The following PGS1 variants were observed in gnomAD, a reference collection of about 807,000 sequenced individuals.
PGS1 encodes the protein CDP-diacylglycerol--glycerol-3-phosphate 3-phosphatidyltransferase, mitochondrial.
PGS1 carries 44 observed loss-of-function variants against 58.3 expected under a neutral mutation model. The ratio of observed to expected loss-of-function variants is 0.75; its 90% CI spans 0.59 to 0.97. The LOEUF is 0.97. Ranked by LOEUF, PGS1 falls within the 50% of genes least tolerant of loss-of-function variation. The pLI, the probability that PGS1 is intolerant of heterozygous loss-of-function variation, is 0.00. For synonymous variants in PGS1, 330 were observed against 311.0 expected (o/e 1.06, Z -0.64); for missense variants, 684 against 731.1 (o/e 0.94, Z 0.74).
chr17:78,417,740 G>A (rs2085319079), intron 8 of PGS1, among the ~76,000 whole-genome samples: 1 of 151,460 alleles, frequency 6.6e-6, no homozygotes, highest in Non-Finnish European at 1.5e-5. Flanking sequence ...TGTAGGTATG[G>A]CCCGGACATT....
chr17:78,393,908 G>C, intron 2 of PGS1, among the ~76,000 whole-genome samples: 1 of 52 alleles, frequency 0.019, no homozygotes, highest in African/African-American at 0.045. Context: ...TAGGCCAGGC[G>C]TGGTGGGGCC....
rs748343313 is a variant in PGS1, at chr17:78,378,741, G to A, written c.76G>A (p.Gly26Arg). The A allele has an allele frequency of 2.7e-6, 4 of 1,508,294 alleles. No homozygotes were observed. The highest frequency in any genetic ancestry group is 3.5e-6 in the Non-Finnish European group (4 of 1,135,006). The allele number at this position is 1,508,294 out of a possible 1,614,324, so 93.4% of individuals were successfully genotyped here. A position where few individuals can be genotyped will look rare whatever the true frequency, so the allele number is the denominator to read the frequency against. ...GCTGGGCCTCCTGCCTGGCCGCCCA[G>A]GGCTGGCCGCGCTCCTGGGACGCCT... The part of the protein sequence containing the change: ...RLLGLLPGRP[G>R]LAALLGRLSD... Residue 26 changes from glycine (G) to arginine (R), a missense_variant, in exon 1 of 10, where the codon GGG becomes AGG. Physicochemically the swap from Gly to Arg is moderately radical, Grantham distance 125. Transcript: ENST00000262764.
chr17:78,394,132 A>G (rs966568200), intron 2 of PGS1, among the ~76,000 whole-genome samples: 5 of 126,756 alleles, frequency 3.9e-5, no homozygotes, highest in African/African-American at 1.5e-4. Flanking sequence ...AGATCGCGCC[A>G]TTGCACTCCA....
rs959848861 is a variant in PGS1, at chr17:78,390,324, G to A, written c.144-2152G>A. 7.1e-5 allele frequency among the ~76,000 whole-genome samples: 7 copies of A among 98,324 alleles called. No individual in the cohort carries two copies. The South Asian group carries it at 1.3e-3, about 18-fold the overall frequency. 64.5% of individuals were successfully genotyped at this position (98,324 alleles called of 152,430 possible). On this transcript the variant is annotated intron_variant, in intron 1 of 9. Coordinates refer to ENST00000262764, the MANE Select transcript of PGS1 (RefSeq NM_024419.5). ...GTCATCACCCCCTCTAGAGACGGGG[G>A]TGGGGGAGGAACAGCTGTTTCCCAC...
At chr17:78,407,238 T>C (rs909865153) in intron 7 of PGS1, among the ~76,000 whole-genome samples, 11 of 152,106 alleles carry the variant, frequency 7.2e-5, no homozygotes, top group Non-Finnish European at 1.5e-5. Flanking sequence ...GGGCTGCTGC[T>C]GAGCAGAGGG....
At position 78,406,378 on chromosome 17, in the gene PGS1, GA is replaced by G. The variant is rs200947255; in HGVS notation, c.1402+2290del. Among the ~76,000 whole-genome samples the G allele has an allele frequency of 3.9e-3, 587 of 152,310 alleles. 1 individual carries two copies. The highest frequency in any genetic ancestry group is 0.017 in the Middle Eastern group (5 of 292). ...CTAGACTTTCATCCACCTCTGTGGG[GA>G]TTGAACCCACCATGGTGTTTAAAAA... On this transcript the variant is annotated intron_variant, in intron 7 of 9. Transcript: ENST00000262764.
At chr17:78,405,250 C>T (rs1797279588) in intron 7 of PGS1, among the ~76,000 whole-genome samples, 1 of 152,164 alleles carries the variant, frequency 6.6e-6, no homozygotes, top group South Asian at 2.1e-4. Flanking sequence ...CTTGTCTCAG[C>T]CTTCCACAGT....
chr17:78,388,332 G>C (rs1390941866), intron 1 of PGS1, among the ~76,000 whole-genome samples: 1 of 152,092 alleles, frequency 6.6e-6, no homozygotes, highest in Non-Finnish European at 1.5e-5. Flanking sequence ...TGTAGGCTCT[G>C]TGTATGTGTG....
In PGS1 at chr17:78,414,951, G is replaced by A; in HGVS notation, c.1475G>A (p.Arg492Lys). 1 of 1,613,972 alleles carries A rather than the reference G, an allele frequency of 6.2e-7. No individual in the cohort carries two copies. Among genetic ancestry groups the A allele is most frequent in the Non-Finnish European group, 8.5e-7 (1 of 1,180,028 alleles). ...ATTGGCTCTCCTAATTTTGGGTACA[G>A]GTCAGTTCACCGGGACCTGGAGGCC... ...TLIGSPNFGY[R>K]SVHRDLEAQI... The change falls in exon 8 of 10, where the codon AGG becomes AAG. Residue 492 changes from arginine (R) to lysine (K), a missense_variant. Transcript: ENST00000262764.
intron 7 of PGS1, among the ~76,000 whole-genome samples, chr17:78,410,144 G>A (rs1322061905): frequency 6.6e-6 from 1 of 151,766 alleles, no homozygotes; most frequent in African/African-American, 2.4e-5. Flanking sequence ...AACAAAATAG[G>A]CCAGGTGCAG....
intron 3 of PGS1, among the ~76,000 whole-genome samples, chr17:78,396,929 G>A (rs760706938): frequency 7.2e-5 from 11 of 152,272 alleles, no homozygotes; most frequent in Non-Finnish European, 1.0e-4. Flanking sequence ...CATTTGGCCC[G>A]TAAAGCTCCA....
At chr17:78,411,531 G>C (rs1291459004) in intron 7 of PGS1, among the ~76,000 whole-genome samples, 1 of 152,182 alleles carries the variant, frequency 6.6e-6, no homozygotes, top group African/African-American at 2.4e-5. Flanking sequence ...GGCACCCAGG[G>C]CTGCAGTATT....
Position 78,398,370 on chromosome 17 carries a change from T to G in PGS1, c.511+19T>G. 1 of 1,492,138 alleles carries G rather than the reference T, an allele frequency of 6.7e-7. No individual in the cohort carries two copies. The highest frequency in any genetic ancestry group is 9.4e-7 in the Non-Finnish European group (1 of 1,068,968). 92.4% of individuals were successfully genotyped at this position (1,492,138 alleles called of 1,614,324 possible). A position where few individuals can be genotyped will look rare whatever the true frequency, so the allele number is the denominator to read the frequency against. On this transcript the variant is annotated intron_variant, in intron 4 of 9. Coordinates refer to ENST00000262764, the MANE Select transcript of PGS1 (RefSeq NM_024419.5). Reference sequence around the variant, plus strand: ...TCACGAGGTAGGTGGCATGCAAGCCTGGCCCCTCCTGCTTCCTGTGTCAGA... The same window carrying G: ...TCACGAGGTAGGTGGCATGCAAGCCGGGCCCCTCCTGCTTCCTGTGTCAGA...
rs35635587 is a variant in PGS1, at chr17:78,400,382, CAA to C, written c.702-283_702-282del. The stretch of plus-strand genomic sequence containing the variant: ...CCTGGGCGACAGAATGAGATTGTCT[CAA>C]AAAAAAAAAAAGCCCTGTGTGGTTA... On this transcript the variant is annotated intron_variant, in intron 5 of 9. Transcript: ENST00000262764. This position sits in a 1 kb window ranked among gnomAD's most constrained non-coding sequence, Gnocchi z 4.4. Among the ~76,000 whole-genome samples, 2 of 134,478 alleles carry C rather than the reference CAA, an allele frequency of 1.5e-5. No individual in the cohort carries two copies. Among genetic ancestry groups the C allele is most frequent in the Non-Finnish European group, 1.6e-5 (1 of 61,938 alleles). 88.2% of individuals were successfully genotyped at this position (134,478 alleles called of 152,430 possible).
chr17:78,390,606 T>G (rs920157497), intron 1 of PGS1, among the ~76,000 whole-genome samples: 1 of 152,210 alleles, frequency 6.6e-6, no homozygotes, highest in Non-Finnish European at 1.5e-5. Context: ...TTGGGATGTT[T>G]GAGCATCCTC....
At chr17:78,385,581 G>T (rs1421203230) in intron 1 of PGS1, among the ~76,000 whole-genome samples, 1 of 152,184 alleles carries the variant, frequency 6.6e-6, no homozygotes, top group African/African-American at 2.4e-5. Context: ...GAGCCGCTGT[G>T]CCTGGCCTAA....
intron 2 of PGS1, among the ~76,000 whole-genome samples, chr17:78,395,192 G>T (rs1440116349): frequency 6.6e-6 from 1 of 152,172 alleles, no homozygotes; most frequent in African/African-American, 2.4e-5. Flanking sequence ...TGTGGGGCCT[G>T]GTGTCCTGTA....
At chr17:78,414,215 G>C (rs2084972928) in intron 7 of PGS1, among the ~76,000 whole-genome samples, 1 of 152,220 alleles carries the variant, frequency 6.6e-6, no homozygotes, top group African/African-American at 2.4e-5. Flanking sequence ...GAAGGGCACA[G>C]ACGGCCTACC....
chr17:78,383,155 A>AGT (rs1257967063), intron 1 of PGS1, among the ~76,000 whole-genome samples: 2 of 152,048 alleles, frequency 1.3e-5, no homozygotes, highest in Non-Finnish European at 2.9e-5. Context: ...GGAGCTTGTG[A>AGT]GTGTGTGTGT....
Sources: allele counts gnomAD v4.1 joint callset (sites outside exome capture counted in the v4.1 genomes callset), GRCh38; gene constraint gnomAD v4.1.1; non-coding constraint Gnocchi (gnomAD v3.1); transcripts MANE v1.5; gene names NCBI Gene and HGNC (gene_info 2026-07-23, HGNC 2026-07-21).